The following TMEM229B variants were observed in gnomAD, a reference collection of about 807,000 sequenced individuals.
The protein encoded by TMEM229B is transmembrane protein 229B.
A neutral mutation model predicts 13.7 loss-of-function variants in TMEM229B; 6 were observed. The ratio of observed to expected loss-of-function variants is 0.44; its 90% confidence interval spans 0.24 to 0.86. The LOEUF is 0.86. Ranked by LOEUF, TMEM229B falls within the 40% of genes least tolerant of loss-of-function variation. TMEM229B has a pLI of 0.23. For synonymous variants in TMEM229B, 107 were observed against 102.1 expected (o/e 1.05, Z -0.29); for missense variants, 170 against 236.0 (o/e 0.72, Z 1.83).
chr14:67,531,978 T>G (rs2033473572), intron 1 of TMEM229B, among the ~76,000 whole-genome samples: 1 of 151,136 alleles, frequency 6.6e-6, no homozygotes, highest in Non-Finnish European at 1.5e-5. Flanking sequence ...AGAGAACGTG[T>G]TTTTGGGCTT....
At chr14:67,498,926 C>T (rs1440469583) in intron 1 of TMEM229B, among the ~76,000 whole-genome samples, 1 of 152,094 alleles carries the variant, frequency 6.6e-6, no homozygotes, top group Non-Finnish European at 1.5e-5. Context: ...ACCTTGGCCT[C>T]CCAAAATGCT....
At chr14:67,508,134 T>C (rs1171198170) in intron 1 of TMEM229B, among the ~76,000 whole-genome samples, 3 of 43,864 alleles carry the variant, frequency 6.8e-5, no homozygotes, top group African/African-American at 1.7e-4. Flanking sequence ...AAACTCCATC[T>C]CAAAAAAAAA....
At chr14:67,508,764 A>C (rs1057243329) in intron 1 of TMEM229B, among the ~76,000 whole-genome samples, 2 of 150,588 alleles carry the variant, frequency 1.3e-5, no homozygotes, top group Admixed American at 6.6e-5. Flanking sequence ...AAAAAAAAAA[A>C]AAAAAAACAG....
At chr14:67,477,202 T>C (rs2140060010) in intron 2 of TMEM229B, among the ~76,000 whole-genome samples, 1 of 151,998 alleles carries the variant, frequency 6.6e-6, no homozygotes, top group Non-Finnish European at 1.5e-5. Context: ...TCTCCTTATT[T>C]CCTAATGAAA....
chr14:67,486,807 G>A (rs2140124829), intron 2 of TMEM229B, among the ~76,000 whole-genome samples, 193 bp downstream of exon 2: 1 of 152,324 alleles, frequency 6.6e-6, no homozygotes, highest in African/African-American at 2.4e-5. Context: ...TAGAGGCCAT[G>A]TGGCCATAAG....
intron 2 of TMEM229B, among the ~76,000 whole-genome samples, chr14:67,476,033 A>T (rs923535914): frequency 6.6e-6 from 1 of 152,216 alleles, no homozygotes; most frequent in Non-Finnish European, 1.5e-5. Context: ...CTGCATCAAG[A>T]ATGGGAAGGT....
intron 2 of TMEM229B, among the ~76,000 whole-genome samples, chr14:67,481,123 CT>C (rs2031558729): frequency 6.6e-6 from 1 of 151,898 alleles, no homozygotes; most frequent in African/African-American, 2.4e-5. Flanking sequence ...AGACCACCAT[CT>C]CTACAAAAAG....
At chr14:67,523,876 G>A (rs185421473) in intron 1 of TMEM229B, among the ~76,000 whole-genome samples, 2 of 151,856 alleles carry the variant, frequency 1.3e-5, no homozygotes, top group East Asian at 1.9e-4. Flanking sequence ...GTAATGTCAG[G>A]TATAGAGCTG....
At chr14:67,523,853 A>G (rs538217704) in intron 1 of TMEM229B, among the ~76,000 whole-genome samples, 9 of 152,146 alleles carry the variant, frequency 5.9e-5, no homozygotes, top group Non-Finnish European at 1.2e-4. Flanking sequence ...TTTTTTCTTC[A>G]TATCCATGGG....
chr14:67,530,286 T>C (rs1224045199), intron 1 of TMEM229B, among the ~76,000 whole-genome samples: 3 of 152,196 alleles, frequency 2.0e-5, no homozygotes, highest in African/African-American at 7.2e-5. Flanking sequence ...AGAATTATTA[T>C]CATCATTATT....
At chr14:67,490,657 G>C (rs945934708), upstream of TMEM229B, among the ~76,000 whole-genome samples, 1 of 151,994 alleles carries the variant, frequency 6.6e-6, no homozygotes, top group Admixed American at 6.5e-5. Context: ...TTGAGTCTCT[G>C]CTTCTCTGAC....
chr14:67,525,287 G>GC (rs777327823), intron 1 of TMEM229B, among the ~76,000 whole-genome samples: 23 of 152,010 alleles, frequency 1.5e-4, no homozygotes, highest in Admixed American at 7.9e-4. Context: ...TATTCTACAT[G>GC]CTTTTCTAGA....
chr14:67,497,422 G>T (rs765005256), intron 1 of TMEM229B, among the ~76,000 whole-genome samples: 1 of 152,056 alleles, frequency 6.6e-6, no homozygotes, highest in African/African-American at 2.4e-5. Flanking sequence ...GTGCCGGGAT[G>T]AGGAAGAACT....
upstream of TMEM229B, among the ~76,000 whole-genome samples, chr14:67,490,552 G>A (rs540446848): frequency 3.3e-4 from 50 of 152,276 alleles, no homozygotes; most frequent in Non-Finnish European, 6.2e-4. Context: ...ATGCACATAG[G>A]ATTCACTTCC....
intron 1 of TMEM229B, among the ~76,000 whole-genome samples, chr14:67,532,267 G>A (rs745858189): frequency 2.6e-5 from 4 of 152,176 alleles, no homozygotes; most frequent in Non-Finnish European, 5.9e-5. Flanking sequence ...TGCCTGGGAT[G>A]AGTCTTCCAA....
chr14:67,487,491 C>T (rs1166399634), intron 1 of TMEM229B, among the ~76,000 whole-genome samples: 1 of 152,188 alleles, frequency 6.6e-6, no homozygotes, highest in Non-Finnish European at 1.5e-5. Flanking sequence ...TCTCATTCAG[C>T]TTCAAATTAC....
intron 1 of TMEM229B, among the ~76,000 whole-genome samples, chr14:67,502,630 T>C (rs575414764): frequency 1.3e-5 from 2 of 151,954 alleles, no homozygotes; most frequent in African/African-American, 4.8e-5. Flanking sequence ...TTTTGTACTT[T>C]TAGTAGAGAC....
At chr14:67,481,765 T>C (rs1609998) in intron 2 of TMEM229B, among the ~76,000 whole-genome samples, 55,437 of 151,860 alleles carry the variant, frequency 0.37, 11,792 homozygotes, top group African/African-American at 0.58. Flanking sequence ...ACTCCCTATA[T>C]CCTTAGGCTC....
intron 1 of TMEM229B, among the ~76,000 whole-genome samples, chr14:67,524,624 G>A (rs1200733297): frequency 6.6e-6 from 1 of 152,138 alleles, no homozygotes; most frequent in Non-Finnish European, 1.5e-5. Context: ...TCTCTTGAAA[G>A]TTGCGAGATG....
Sources: allele counts gnomAD v4.1 joint callset (sites outside exome capture counted in the v4.1 genomes callset), GRCh38; gene constraint gnomAD v4.1.1; transcripts MANE v1.5; gene names NCBI Gene and HGNC (gene_info 2026-07-23, HGNC 2026-07-21).